Variants in SMTN observed in about 807,000 individuals in gnomAD.
SMTN encodes smoothelin.
SMTN carries 58 observed loss-of-function variants against 102.0 expected under a neutral mutation model. That is an observed-to-expected ratio of 0.57 (90% CI 0.46 to 0.71). The LOEUF is 0.71. Ranked by LOEUF, SMTN falls within the 30% of genes least tolerant of loss-of-function variation. SMTN has a pLI of 0.00. For synonymous variants in SMTN, 478 were observed against 497.9 expected (o/e 0.96, Z 0.53); for missense variants, 1,185 against 1,241.7 (o/e 0.95, Z 0.69).
intron 2 of SMTN, among the ~76,000 whole-genome samples, chr22:31,084,337 C>T (rs1263617041): frequency 6.6e-6 from 1 of 152,230 alleles, no homozygotes; most frequent in African/African-American, 2.4e-5. Flanking sequence ...CTCATACCTT[C>T]CCCCGCAGGC....
Position 31,069,492 on chromosome 22 carries a change from A to C in SMTN, c.-386+5305A>C, listed in dbSNP as rs1366114728. On this transcript the variant is annotated intron_variant, in intron 1 of 3. Transcript: ENST00000422839. ...AAATGTTAGAACGATGAATTCGAAA[A>C]GCTTTAAAACACTGCACAGGCCAAA... Among the ~76,000 whole-genome samples, 3 of 152,224 alleles carry C rather than the reference A, an allele frequency of 2.0e-5. No homozygotes were observed. In the East Asian group the frequency reaches 5.8e-4, roughly 29 times the overall value.
rs751896728 is a variant in SMTN, at chr22:31,104,467, C to G, written c.*172C>G. ...GCGCCTGCGCGGCAAGAATGTCTAGCCTGCCCGCCCGCATGGCCAGCCAGT... is the reference window on the plus strand; with the variant it reads ...GCGCCTGCGCGGCAAGAATGTCTAGGCTGCCCGCCCGCATGGCCAGCCAGT... On this transcript the variant is annotated 3_prime_UTR_variant, in exon 21 of 21. Transcript: ENST00000333137. 3.1e-6 allele frequency: 5 copies of G among 1,612,298 alleles called. No individual in the cohort carries two copies. In the African/African-American group the frequency reaches 5.3e-5, roughly 17 times the overall value.
At chr22:31,090,662 G>C in intron 8 of SMTN, 146 bp from the exon 9 acceptor site, 1 of 714,112 alleles carries the variant, frequency 1.4e-6, no homozygotes, top group Non-Finnish European at 2.5e-6. Flanking sequence ...TCCAGGAGGG[G>C]ATGGAGAGGT....
chr22:31,096,955 C>G (rs2043638531), intron 14 of SMTN, 43 bp from the exon 15 acceptor site: 1 of 1,612,876 alleles, frequency 6.2e-7, no homozygotes, highest in Non-Finnish European at 8.5e-7. Context: ...CCTCCCCCAG[C>G]CCCCTGTGCC....
intron 11 of SMTN, among the ~76,000 whole-genome samples, chr22:31,093,010 G>A (rs1231749802): frequency 2.0e-5 from 3 of 152,262 alleles, no homozygotes; most frequent in Non-Finnish European, 4.4e-5. Flanking sequence ...GGGTAAAGGA[G>A]TACAGGCTGT....
rs55962742 is a variant in SMTN at position 31,067,007 on chromosome 22, C to T, written c.-386+2820C>T. 1,396 of 152,166 alleles carry T rather than the reference C, an allele frequency of 9.2e-3. 17 individuals carry two copies. The highest frequency in any genetic ancestry group is 0.029 in the South Asian group (139 of 4,820). The allele number at this position is 152,166 out of a possible 1,614,324, so 9.4% of individuals were successfully genotyped here. ...CTAAGCTCAAGCAATCCACCCACCT[C>T]GTCCTGCCAAAGAGCTGGGATTACA... On this transcript the variant is annotated intron_variant, in intron 1 of 3. Transcript: ENST00000422839.
Position 31,094,184 on chromosome 22 carries a change from C to T in SMTN, c.1633-1119C>T, listed in dbSNP as rs376565134. ...CAGCTCTCCTTACCCTTATAGCAGA[C>T]GGAGAGGCCCTGCCAGGAGAGGAAG... is the stretch of plus-strand genomic sequence containing the variant. On this transcript the variant is annotated intron_variant, in intron 11 of 20. Coordinates refer to ENST00000333137, the MANE Select transcript of SMTN (RefSeq NM_134269.3). 1.1e-3 allele frequency among the ~76,000 whole-genome samples: 167 copies of T among 152,326 alleles called. 2 individuals carry two copies. The South Asian group carries it at 0.027, about 24-fold the overall frequency.
chr22:31,097,180 G>T, intron 15 of SMTN, 89 bp from the exon 16 acceptor site: 1 of 1,492,812 alleles, frequency 6.7e-7, no homozygotes, highest in Non-Finnish European at 9.3e-7. Flanking sequence ...TCTGCCTGCG[G>T]CTATCACCAC....
At chr22:31,089,669 C>G (rs758121304) in intron 6 of SMTN, 30 bp from the exon 7 acceptor site, 1 of 1,572,800 alleles carries the variant, frequency 6.4e-7, no homozygotes, top group East Asian at 2.2e-5. Flanking sequence ...GCCTAGGGAG[C>G]CTTGGTTGCA....
chr22:31,085,510 G>A (rs2147603051), intron 2 of SMTN, among the ~76,000 whole-genome samples: 1 of 152,338 alleles, frequency 6.6e-6, no homozygotes, highest in East Asian at 1.9e-4. Context: ...CAACAGCGAG[G>A]GCAGAGAGTA....
chr22:31,065,359 G>C lies in SMTN; in HGVS notation c.-386+1172G>C, dbSNP rs546534401. On this transcript the variant is annotated intron_variant, in intron 1 of 3. Transcript: ENST00000422839. The stretch of plus-strand genomic sequence containing the variant: ...CTTGACATTTACGGTATGTTTGTTT[G>C]TTTTTTTGAAATGAAATCTCCTTCT... The C allele has an allele frequency of 2.0e-5, 3 of 152,040 alleles. No homozygotes were observed. The South Asian group carries it at 6.2e-4, about 32-fold the overall frequency. 9.4% of individuals were successfully genotyped at this position (152,040 alleles called of 1,614,324 possible).
chr22:31,089,856 C>A lies in SMTN; in HGVS notation c.629C>A (p.Thr210Asn), dbSNP rs759152384. ...SSPASPSSSP[T>N]PASPEPPLEP... ...CCTGCCTCACCCAGCAGTTCACCCA[C>A]CCCTGCCTCTCCTGAGCCTCCATTG... The change falls in exon 7 of 21, where the codon ACC (threonine) becomes AAC (asparagine). Residue 210 changes from threonine (T) to asparagine (N), a missense_variant. Thr to Asn is a moderately conservative substitution (Grantham distance 65, BLOSUM62 0). This residue lies in a region of SMTN where 1,096 missense variants were observed against 1,112.7 expected (regional missense o/e 0.98). Coordinates refer to ENST00000333137, the MANE Select transcript of SMTN (RefSeq NM_134269.3). 1.2e-6 allele frequency: 2 copies of A among 1,614,006 alleles called. No individual in the cohort carries two copies. The highest frequency in any genetic ancestry group is 2.2e-5 in the South Asian group (2 of 91,084).
chr22:31,080,118 G>T (rs1017077375), upstream of SMTN, among the ~76,000 whole-genome samples: 14 of 152,208 alleles, frequency 9.2e-5, no homozygotes, highest in Non-Finnish European at 1.8e-4. Flanking sequence ...GTGTGGGGAT[G>T]AAATGAAATG....
chr22:31,099,084 GC>G lies in SMTN; in HGVS notation c.2358del (p.Val787CysfsTer124). 1 of 1,612,684 alleles carries G rather than the reference GC, an allele frequency of 6.2e-7. No homozygotes were observed. The highest frequency in any genetic ancestry group is 8.5e-7 in the Non-Finnish European group (1 of 1,179,926). On this transcript the variant is annotated frameshift_variant, in exon 18 of 21. Transcript: ENST00000333137. LOFTEE classifies it high-confidence loss of function. ...AAGSPGGPRAAVQRSTSFGVP... is the reference protein window; with the variant it reads ...AAGSPGGPRAXVQRSTSFGVP... The stretch of plus-strand genomic sequence containing the variant: ...CAGCAGCCCTGGCGGACCCCGCGCA[GC>G]CGTGCAGCGATCCACCAGCTTCGGG...
In SMTN at chr22:31,093,736, C is replaced by T. The variant is rs760425368; in HGVS notation, c.1633-1567C>T. The T allele has an allele frequency of 4.3e-6, 6 of 1,391,992 alleles. 1 individual carries two copies. Among genetic ancestry groups the T allele is most frequent in the South Asian group, 2.3e-5 (2 of 85,880 alleles). 86.2% of individuals were successfully genotyped at this position (1,391,992 alleles called of 1,614,324 possible). A position where few individuals can be genotyped will look rare whatever the true frequency, so the allele number is the denominator to read the frequency against. On this transcript the variant is annotated intron_variant, in intron 11 of 20. Coordinates refer to ENST00000333137, the MANE Select transcript of SMTN (RefSeq NM_134269.3). ...GTCCGGCCTTGAGCCTGAGCTGGAGCCCAGCGAGCTGCTCCTGGCTGCCGC... is the reference window on the plus strand; with the variant it reads ...GTCCGGCCTTGAGCCTGAGCTGGAGTCCAGCGAGCTGCTCCTGGCTGCCGC...
At chr22:31,081,825 G>A (rs1188418971) in intron 1 of SMTN, among the ~76,000 whole-genome samples, 2 of 152,210 alleles carry the variant, frequency 1.3e-5, no homozygotes, top group Non-Finnish European at 2.9e-5. Context: ...AGGGTCAGCT[G>A]CCCCATAGAA....
chr22:31,100,764 ATG>A, intron 19 of SMTN, 119 bp from the exon 20 acceptor site: 5 of 621,010 alleles, frequency 8.1e-6, no homozygotes, highest in Non-Finnish European at 1.2e-5. Context: ...GTGTGTGTGT[ATG>A]TGTGTGTGTC....
intron 8 of SMTN, 90 bp from the exon 9 acceptor site, chr22:31,090,718 T>G: frequency 9.8e-7 from 1 of 1,024,132 alleles, no homozygotes; most frequent in Non-Finnish European, 1.5e-6. Flanking sequence ...TAGGGAGGTG[T>G]AGAGGAGAGG....
intron 11 of SMTN, among the ~76,000 whole-genome samples, chr22:31,094,933 C>A (rs1442521611): frequency 6.6e-6 from 1 of 152,114 alleles, no homozygotes; most frequent in Non-Finnish European, 1.5e-5. Context: ...TGATCCCTCC[C>A]ACCTCGGCCT....
Sources: allele counts gnomAD v4.1 joint callset (sites outside exome capture counted in the v4.1 genomes callset), GRCh38; gene constraint gnomAD v4.1.1; regional missense constraint gnomAD v4.1.1; transcripts MANE v1.5; gene names NCBI Gene and HGNC (gene_info 2026-07-23, HGNC 2026-07-21).